The following CDCA7L variants were observed in gnomAD, a reference collection of about 807,000 sequenced individuals.
CDCA7L encodes cell division cycle associated 7 like.
A neutral mutation model predicts 57.4 loss-of-function variants in CDCA7L; 44 were observed. The ratio of observed to expected loss-of-function variants is 0.77; its 90% confidence interval spans 0.60 to 0.98. The LOEUF (loss-of-function observed/expected upper bound fraction) is 0.98, where lower values mean the gene tolerates loss of function less well. CDCA7L is among the 50% of genes least tolerant of loss of function. The pLI, the probability that CDCA7L is intolerant of heterozygous loss-of-function variation, is 0.00. For missense variants in CDCA7L, 644 were observed against 580.6 expected (o/e 1.11, Z -1.12); for synonymous variants, 236 against 202.8 (o/e 1.16, Z -1.39).
intron 2 of CDCA7L, among the ~76,000 whole-genome samples, chr7:21,914,176 A>C (rs554437177): frequency 6.6e-5 from 10 of 152,352 alleles, no homozygotes; most frequent in Non-Finnish European, 1.0e-4. Flanking sequence ...GTTGAACCAG[A>C]CAGCCAGACA....
At chr7:21,936,008 A>AAAAT (rs1786151061) in intron 1 of CDCA7L, among the ~76,000 whole-genome samples, 2 of 148,812 alleles carry the variant, frequency 1.3e-5, no homozygotes, top group African/African-American at 5.0e-5. Context: ...ACTCCGTCTC[A>AAAAT]AAATGAATAA....
At position 21,921,717 on chromosome 7, in the gene CDCA7L, T is replaced by C. The variant is rs1005049538; in HGVS notation, c.25-4823A>G. 1.1e-4 allele frequency among the ~76,000 whole-genome samples: 16 copies of C among 150,920 alleles called. No homozygotes were observed. The East Asian group carries it at 3.1e-3, about 29-fold the overall frequency. ...CAAAAATACAAAATTTCTCAATCAA[T>C]GGATATTTACATTAGTTGAACTTCT... On this transcript the variant is annotated intron_variant, in intron 1 of 9. Coordinates refer to ENST00000406877, the MANE Select transcript of CDCA7L (RefSeq NM_018719.5).
chr7:21,926,072 T>C (rs960762170), intron 1 of CDCA7L, among the ~76,000 whole-genome samples: 1 of 151,964 alleles, frequency 6.6e-6, no homozygotes, highest in Non-Finnish European at 1.5e-5. Context: ...CCTATCTCTA[T>C]AAGAAATAAA....
chr7:21,945,686 G>C, intron 1 of CDCA7L, 95 bp downstream of exon 1: 1 of 1,500,606 alleles, frequency 6.7e-7, no homozygotes, highest in East Asian at 2.4e-5. Context: ...CGCAGCCAAG[G>C]GCCACGTTTC....
At chr7:21,909,943 G>T (rs1306769084) in intron 3 of CDCA7L, among the ~76,000 whole-genome samples, 1 of 152,200 alleles carries the variant, frequency 6.6e-6, no homozygotes, top group Non-Finnish European at 1.5e-5. Flanking sequence ...AAGAAAGATA[G>T]GTTCGCCAGT....
rs1488544808 is a variant in CDCA7L at position 21,902,349 on chromosome 7, T to C, written c.1338A>G (p.Leu446=). The change falls in exon 10 of 10, where the codon TTA becomes TTG. Residue 446 remains leucine, a synonymous_variant. Transcript: ENST00000406877. The part of the protein sequence containing the change: ...YDNVKEYLES[L]QKELVEDN The stretch of plus-strand genomic sequence containing the variant: ...AATTGTCTTCTACCAGCTCCTTTTG[T>C]AAGCTGGGAAAAAGATGAGAAGTAT... 8 of 1,613,810 alleles carry C rather than the reference T, an allele frequency of 5.0e-6. No homozygotes were observed. In the African/African-American group the frequency reaches 1.1e-4, roughly 22 times the overall value.
At chr7:21,902,852 A>C (rs573668455) in intron 9 of CDCA7L, 126 bp downstream of exon 9, 2 of 786,744 alleles carry the variant, frequency 2.5e-6, no homozygotes, top group South Asian at 3.6e-5. Flanking sequence ...TACAGAATGG[A>C]TGGTACTCGT....
intron 1 of CDCA7L, among the ~76,000 whole-genome samples, chr7:21,931,700 C>G (rs1786023056): frequency 6.6e-6 from 1 of 152,222 alleles, no homozygotes; most frequent in Admixed American, 6.5e-5. Context: ...TGGAAGCATT[C>G]CCTTTGAAAA....
chr7:21,934,093 CAA>C (rs1479876417), intron 1 of CDCA7L, among the ~76,000 whole-genome samples: 1 of 152,080 alleles, frequency 6.6e-6, no homozygotes, highest in Non-Finnish European at 1.5e-5. Context: ...GTAACTTTGT[CAA>C]AGCCATACAA....
intron 1 of CDCA7L, among the ~76,000 whole-genome samples, chr7:21,933,655 G>A (rs1289093901): frequency 1.3e-5 from 2 of 152,148 alleles, no homozygotes; most frequent in East Asian, 3.9e-4. Flanking sequence ...GCCCGTCGGG[G>A]TTGGGGGACT....
At chr7:21,903,344 T>C (rs1433406669) in intron 8 of CDCA7L, among the ~76,000 whole-genome samples, 1 of 152,112 alleles carries the variant, frequency 6.6e-6, no homozygotes, top group Non-Finnish European at 1.5e-5. Context: ...TTAAAAATTA[T>C]GGAGATTTTC....
intron 7 of CDCA7L, 92 bp downstream of exon 7, chr7:21,905,414 G>C: frequency 7.2e-7 from 1 of 1,386,232 alleles, no homozygotes; most frequent in South Asian, 1.3e-5. Flanking sequence ...TTGGTGAGAT[G>C]GCATAAGCCC....
chr7:21,930,697 CAAAAAAAAA>C (rs56701381), intron 1 of CDCA7L, among the ~76,000 whole-genome samples: 1 of 51,790 alleles, frequency 1.9e-5, no homozygotes, highest in Non-Finnish European at 3.3e-5. Flanking sequence ...GACTCCGTCT[CAAAAAAAAA>C]AAAAAAAAAA....
intron 2 of CDCA7L, among the ~76,000 whole-genome samples, chr7:21,914,767 T>C (rs969833500): frequency 6.6e-6 from 1 of 152,170 alleles, no homozygotes; most frequent in Non-Finnish European, 1.5e-5. Context: ...GTTTCATCAC[T>C]TGCAAAACTG....
At chr7:21,913,711 G>T (rs1785400019) in intron 2 of CDCA7L, among the ~76,000 whole-genome samples, 2 of 152,220 alleles carry the variant, frequency 1.3e-5, no homozygotes, top group Non-Finnish European at 2.9e-5. Flanking sequence ...AAGCCTTGAA[G>T]CTATGAGTTC....
In CDCA7L at chr7:21,916,749, C is replaced by T; in HGVS notation, c.165+5G>A. The stretch of plus-strand genomic sequence containing the variant: ...ACACATCTGCTTGGAAGGAATCATC[C>T]ATACCTGTTTCCCTGACTCTAGTGA... On this transcript the variant is annotated splice_donor_5th_base_variant and intron_variant, in intron 2 of 9. Transcript: ENST00000406877. 6.2e-7 allele frequency: 1 copy of T among 1,613,594 alleles called. No homozygotes were observed. Among genetic ancestry groups the T allele is most frequent in the Non-Finnish European group, 8.5e-7 (1 of 1,179,616 alleles).
At chr7:21,902,492 C>CATCAATATCCGTATACCCTCTGGTGTAGT in intron 9 of CDCA7L, 140 bp from the exon 10 acceptor site, 1 of 799,644 alleles carries the variant, frequency 1.3e-6, no homozygotes, top group South Asian at 1.5e-5. Flanking sequence ...ACAATTTATG[C>CATCAATATCCGTATACCCTCTGGTGTAGT]ATCAATATCC....
At chr7:21,903,996 G>GA (rs1226386933) in intron 8 of CDCA7L, 114 bp downstream of exon 8, 10 of 1,025,314 alleles carry the variant, frequency 9.8e-6, no homozygotes, top group Non-Finnish European at 6.6e-6. Flanking sequence ...AAATGGAAGG[G>GA]AAAAACCAGA....
chr7:21,907,591 A>C (rs1785179403), intron 4 of CDCA7L, among the ~76,000 whole-genome samples: 1 of 152,240 alleles, frequency 6.6e-6, no homozygotes, highest in Non-Finnish European at 1.5e-5. Flanking sequence ...ACCTGGTTCC[A>C]TTCATTGTTC....
Sources: gnomAD v4.1 joint callset for allele counts (sites outside exome capture counted in the v4.1 genomes callset) on GRCh38, gnomAD v4.1.1 for gene constraint, MANE v1.5 for transcripts, NCBI Gene and HGNC (gene_info 2026-07-23, HGNC 2026-07-21) for gene names.